The following CTDP1 variants were observed in gnomAD, a reference collection of about 807,000 sequenced individuals.
CTDP1 encodes CTD phosphatase 1.
In CTDP1, 47 loss-of-function variants were observed where a neutral mutation model predicts 91.8. That is an observed-to-expected ratio of 0.51 (90% confidence interval 0.41 to 0.65). CTDP1 has a LOEUF of 0.65. Ranked by LOEUF, CTDP1 falls within the 30% of genes least tolerant of loss-of-function variation. The pLI is 0.00. For missense variants in CTDP1, 1,272 were observed against 1,373.7 expected, an observed-to-expected ratio of 0.93 and a Z score of 1.17; for synonymous variants, 656 against 598.5, an observed-to-expected ratio of 1.10 and a Z score of -1.40.
In CTDP1 at chr18:79,748,445, G is replaced by A. The variant is rs28610216; in HGVS notation, c.2748-5207G>A. Among the ~76,000 whole-genome samples, 1,014 of 152,306 alleles carry A rather than the reference G, an allele frequency of 6.7e-3. 11 individuals are homozygous for A. The highest frequency in any genetic ancestry group is 0.022 in the African/African-American group (935 of 41,568). On this transcript the variant is annotated intron_variant, in intron 12 of 12. Transcript: ENST00000613122. Reference sequence around the variant, plus strand: ...TCTGTGACCCCTCAGGGTGGAAGCCGTTGACCTGGTCCCAGACACTCAGCC... The same window carrying A: ...TCTGTGACCCCTCAGGGTGGAAGCCATTGACCTGGTCCCAGACACTCAGCC...
rs150976653 is a variant in CTDP1, at chr18:79,744,813, G to A, written c.2747+8292G>A. Among the ~76,000 whole-genome samples, 1,109 of 152,234 alleles carry A rather than the reference G, an allele frequency of 7.3e-3. 10 individuals carry two copies. Among genetic ancestry groups the A allele is most frequent in the African/African-American group, 0.025 (1,035 of 41,502 alleles). On this transcript the variant is annotated intron_variant, in intron 12 of 12. Transcript: ENST00000613122. ...CCACTCAGTCATGGGGGGCGTCGTG[G>A]GAGGATGCTGCCCCTGGAGGGGCCA...
intron 12 of CTDP1, among the ~76,000 whole-genome samples, chr18:79,739,444 C>T (rs975173567): frequency 1.1e-4 from 16 of 151,592 alleles, no homozygotes; most frequent in Non-Finnish European, 2.2e-4. Context: ...CACGGCAGAA[C>T]TGACCCTCAC....
intron 12 of CTDP1, among the ~76,000 whole-genome samples, chr18:79,740,316 G>A (rs879693097): frequency 6.6e-6 from 1 of 152,246 alleles, no homozygotes; most frequent in Admixed American, 6.5e-5. Context: ...CCCCTCAAAA[G>A]GGTGGGGCGG....
chr18:79,744,942 G>A (rs1397448606), intron 12 of CTDP1, among the ~76,000 whole-genome samples: 1 of 152,208 alleles, frequency 6.6e-6, no homozygotes, highest in Non-Finnish European at 1.5e-5. Context: ...ACGGAGGCTG[G>A]TGTGATGACA....
chr18:79,756,027 C>A (rs1298950872), downstream of CTDP1: 4 of 152,414 alleles, frequency 2.6e-5, no homozygotes, highest in Non-Finnish European at 5.9e-5. Flanking sequence ...GCAAGGGGTC[C>A]CCGGTTCCTG....
At chr18:79,697,457 A>AGGTTCT (rs2085770612) in intron 3 of CTDP1, among the ~76,000 whole-genome samples, 1 of 152,214 alleles carries the variant, frequency 6.6e-6, no homozygotes, top group Non-Finnish European at 1.5e-5. Context: ...TGAGCGCGGG[A>AGGTTCT]GATTCTGAGC....
At chr18:79,748,184 G>A (rs1466383810) in intron 12 of CTDP1, among the ~76,000 whole-genome samples, 2 of 152,208 alleles carry the variant, frequency 1.3e-5, no homozygotes, top group Non-Finnish European at 2.9e-5. Context: ...ACCATAGTCT[G>A]CAGCTGTGTC....
chr18:79,680,129 C>G lies in CTDP1; in HGVS notation c.182C>G (p.Ser61Cys). 2 of 1,430,542 alleles carry G rather than the reference C, an allele frequency of 1.4e-6. No individual in the cohort carries two copies. Among genetic ancestry groups the G allele is most frequent in the Non-Finnish European group, 1.8e-6 (2 of 1,093,850 alleles). The allele number at this position is 1,430,542 out of a possible 1,614,324, so 88.6% of individuals were successfully genotyped here. A position where few individuals can be genotyped will look rare whatever the true frequency, so the allele number is the denominator to read the frequency against. ...VFEAAASAQS[S>C]GASQSRVASG... is the part of the protein sequence containing the mutation. Reference sequence around the variant, plus strand: ...GAGGCCGCCGCCTCCGCGCAGTCCTCCGGGGCCTCTCAGTCCCGTGTAGCC... The same window carrying G: ...GAGGCCGCCGCCTCCGCGCAGTCCTGCGGGGCCTCTCAGTCCCGTGTAGCC... The change falls in exon 1 of 13, where the codon TCC becomes TGC. Residue 61 changes from serine to cysteine, a missense_variant. By Grantham distance (112) the Ser-to-Cys change is moderately radical. This residue lies in a region of CTDP1 where 214 missense variants were observed against 179.1 expected (regional missense o/e 1.19). Transcript: ENST00000613122.
chr18:79,704,057 C>T (rs1335745303), intron 4 of CTDP1, among the ~76,000 whole-genome samples: 2 of 152,090 alleles, frequency 1.3e-5, no homozygotes, highest in African/African-American at 4.8e-5. Context: ...TTATCTTGAA[C>T]AGTTGTTGCA....
At chr18:79,679,762 A>C (rs538118242), upstream of CTDP1, 6 of 546,260 alleles carry the variant, frequency 1.1e-5, no homozygotes, top group Admixed American at 3.2e-5. Flanking sequence ...GCACGTACGC[A>C]CGTACGCGGC....
chr18:79,718,620 C>T (rs1040749263), intron 10 of CTDP1, among the ~76,000 whole-genome samples: 3 of 152,118 alleles, frequency 2.0e-5, no homozygotes, highest in Non-Finnish European at 2.9e-5. Context: ...CCTGTTTGCC[C>T]GCGTGGACCC....
chr18:79,749,501 C>CGCCACCCACTCCCGAG (rs142577028), intron 12 of CTDP1, among the ~76,000 whole-genome samples: 1 of 150,172 alleles, frequency 6.7e-6, no homozygotes, highest in African/African-American at 2.5e-5. Flanking sequence ...GTGAGGGTCG[C>CGCCACCCACTCCCGAG]GCCCCGTGCA....
At chr18:79,679,287 G>A (rs1034694826), upstream of CTDP1, 1 of 408,418 alleles carries the variant, frequency 2.4e-6, no homozygotes, top group Non-Finnish European at 5.0e-6. Context: ...GTGGGGTCCG[G>A]GGGGGGACAC....
rs1258440100 is a variant in CTDP1 at position 79,713,377 on chromosome 18, CTAG to C, written c.1030+240_1030+242del. The stretch of plus-strand genomic sequence containing the variant: ...AAGCGTTTTCCCAGTTGAATAAAAA[CTAG>C]AGGATGCTGTTTAACCTAACACATC... On this transcript the variant is annotated intron_variant, in intron 7 of 12. Transcript: ENST00000613122. The surrounding 1 kb of genome is among the most constrained non-coding windows in gnomAD (Gnocchi z 4.7). Among the ~76,000 whole-genome samples, 1 of 152,164 alleles carries C rather than the reference CTAG, an allele frequency of 6.6e-6. No individual in the cohort carries two copies. Among genetic ancestry groups the C allele is most frequent in the Non-Finnish European group, 1.5e-5 (1 of 68,036 alleles).
Position 79,714,635 on chromosome 18 carries a change from C to T in CTDP1, c.1175C>T (p.Pro392Leu), listed in dbSNP as rs758282005. ...CTGAACGGCAGCGAGGCCGCCACCCCGCGGGACTCACCCCGCCCCGGGAAG... is the reference window on the plus strand; with the variant it reads ...CTGAACGGCAGCGAGGCCGCCACCCTGCGGGACTCACCCCGCCCCGGGAAG... ...RELNGSEAAT[P>L]RDSPRPGKPD... The change falls in exon 8 of 13, where the codon CCG (proline) becomes CTG (leucine). Residue 392 changes from proline to leucine, a missense_variant. Pro to Leu is a moderately conservative substitution (Grantham distance 98). This residue lies in a region of CTDP1 where 881 missense variants were observed against 911.6 expected (regional missense o/e 0.97). Coordinates refer to ENST00000613122, the MANE Select transcript of CTDP1 (RefSeq NM_004715.5). The T allele has an allele frequency of 4.3e-6, 7 of 1,612,290 alleles. No individual in the cohort carries two copies. The highest frequency in any genetic ancestry group is 2.2e-5 in the East Asian group (1 of 44,862).
intron 12 of CTDP1, 92 bp downstream of exon 12, chr18:79,736,613 C>G: frequency 1.6e-6 from 2 of 1,258,316 alleles, no homozygotes. Flanking sequence ...TCTCATTCTT[C>G]ACGCCCTCCA....
intron 12 of CTDP1, among the ~76,000 whole-genome samples, chr18:79,737,628 C>T (rs1362544464): frequency 6.6e-6 from 1 of 152,036 alleles, no homozygotes; most frequent in Non-Finnish European, 1.5e-5. Context: ...AGGTCCCCGT[C>T]CCGCATCCCC....
chr18:79,714,596 A>G lies in CTDP1; in HGVS notation c.1136A>G (p.Lys379Arg), dbSNP rs1186510621. ...GTGGAGCCCAGCAATGGCCTGGAGA[A>G]GCCTGCACGGGAGCTGAACGGCAGC... ...PGVEPSNGLE[K>R]PARELNGSEA... The change falls in exon 8 of 13, where the codon AAG becomes AGG. Residue 379 changes from lysine to arginine, a missense_variant. This residue lies in a region of CTDP1 where 881 missense variants were observed against 911.6 expected (regional missense o/e 0.97). Coordinates refer to ENST00000613122, the MANE Select transcript of CTDP1 (RefSeq NM_004715.5). The G allele has an allele frequency of 6.2e-7, 1 of 1,613,044 alleles. No individual in the cohort carries two copies. Among genetic ancestry groups the G allele is most frequent in the Admixed American group, 1.7e-5 (1 of 60,036 alleles).
intron 1 of CTDP1, among the ~76,000 whole-genome samples, chr18:79,686,769 T>C (rs984298787): frequency 6.6e-6 from 1 of 152,092 alleles, no homozygotes; most frequent in African/African-American, 2.4e-5. Flanking sequence ...TCATGTTGGC[T>C]TCTCCAGTTC....
Sources: gnomAD v4.1 joint callset for allele counts (sites outside exome capture counted in the v4.1 genomes callset) on GRCh38, gnomAD v4.1.1 for gene constraint, gnomAD v4.1.1 regional missense constraint, Gnocchi (gnomAD v3.1) non-coding constraint, MANE v1.5 for transcripts, NCBI Gene and HGNC (gene_info 2026-07-23, HGNC 2026-07-21) for gene names.